Variants in C12orf56 observed in about 807,000 individuals in gnomAD.
The protein encoded by C12orf56 is chromosome 12 open reading frame 56.
C12orf56 carries 71 observed loss-of-function variants against 69.9 expected under a neutral mutation model. The observed-to-expected ratio is 1.02, with a 90% CI of 0.84 to 1.24. C12orf56 has a LOEUF of 1.24. Ranked by LOEUF, C12orf56 falls within the 50% of genes most tolerant of loss-of-function variation. The pLI, the probability that C12orf56 is intolerant of heterozygous loss-of-function variation, is 0.00. For missense variants in C12orf56, 732 were observed against 738.5 expected (o/e 0.99, Z 0.10); for synonymous variants, 276 against 274.1 (o/e 1.01, Z -0.07).
chr12:64,341,644 A>G (rs558222751), intron 2 of C12orf56, among the ~76,000 whole-genome samples: 2 of 152,292 alleles, frequency 1.3e-5, no homozygotes, highest in African/African-American at 4.8e-5. Flanking sequence ...CACAGATGGT[A>G]GTCTTGGCAG....
At chr12:64,325,372 A>AGAAG (rs1555189853) in intron 3 of C12orf56, among the ~76,000 whole-genome samples, 35 of 141,444 alleles carry the variant, frequency 2.5e-4, no homozygotes, top group African/African-American at 6.4e-4. Flanking sequence ...AAAAAAAAAA[A>AGAAG]AAGAAGAAGA....
intron 1 of C12orf56, among the ~76,000 whole-genome samples, chr12:64,361,811 C>A (rs190302582): frequency 6.6e-6 from 1 of 152,160 alleles, no homozygotes; most frequent in African/African-American, 2.4e-5. Flanking sequence ...CGGCTCACCG[C>A]AACCTCCTCC....
At chr12:64,338,616 T>C in intron 2 of C12orf56, 11 of 1,589,958 alleles carry the variant, frequency 6.9e-6, no homozygotes. Context: ...TGTTTCTCTT[T>C]CTTCTCATAA....
intron 1 of C12orf56, among the ~76,000 whole-genome samples, chr12:64,361,672 A>C (rs1213403447): frequency 6.6e-6 from 1 of 151,648 alleles, no homozygotes; most frequent in Non-Finnish European, 1.5e-5. Context: ...ATAACCATAA[A>C]AATGGGCAAT....
chr12:64,323,565 C>CTTTTTTTT lies in C12orf56; in HGVS notation c.489-4593_489-4586dup, dbSNP rs375927934. Among the ~76,000 whole-genome samples, 232 of 130,810 alleles carry CTTTTTTTT rather than the reference C, an allele frequency of 1.8e-3. 18 individuals carry two copies. Among genetic ancestry groups the CTTTTTTTT allele is most frequent in the African/African-American group, 4.7e-3 (162 of 34,702 alleles). The allele number at this position is 130,810 out of a possible 152,430, so 85.8% of individuals were successfully genotyped here. ...CTAAAACAACTACTGCAAACATTTC[C>CTTTTTTTT]TTTTTTTTTTTTTGCCAAGACAGGG... is the stretch of plus-strand genomic sequence containing the variant. On this transcript the variant is annotated intron_variant, in intron 3 of 12. Coordinates refer to ENST00000543942, the MANE Select transcript of C12orf56 (RefSeq NM_001170633.2).
intron 10 of C12orf56, 99 bp downstream of exon 10, chr12:64,275,199 A>G: frequency 1.4e-6 from 1 of 732,112 alleles, no homozygotes; most frequent in Non-Finnish European, 2.2e-6. Flanking sequence ...TATTAATCAT[A>G]TAACATAATC....
chr12:64,294,904 A>AAT (rs2038345069), intron 6 of C12orf56, among the ~76,000 whole-genome samples: 2 of 150,376 alleles, frequency 1.3e-5, no homozygotes, highest in Admixed American at 6.6e-5. Context: ...AGAAAAAAAA[A>AAT]TTTTTTTTTT....
rs745922973 is a variant in C12orf56, at chr12:64,270,591, G to T, written c.1708C>A (p.Arg570=). The T allele has an allele frequency of 4.3e-6, 7 of 1,612,828 alleles. No individual in the cohort carries two copies. Among genetic ancestry groups the T allele is most frequent in the Non-Finnish European group, 5.1e-6 (6 of 1,179,458 alleles). ...TACTCAGCTAGAGTCCTGCTGTGCCGCAGACAGCTCTTGAGGATGTAAAAT... is the reference window on the plus strand; with the variant it reads ...TACTCAGCTAGAGTCCTGCTGTGCCTCAGACAGCTCTTGAGGATGTAAAAT... ...QQFYILKSCL[R]HSRTLAEYIR... Residue 570 remains arginine (R), a synonymous_variant, in exon 12 of 13, where the codon CGG becomes AGG. Transcript: ENST00000543942.
intron 8 of C12orf56, among the ~76,000 whole-genome samples, chr12:64,284,420 A>G (rs2038172908): frequency 6.6e-6 from 1 of 152,250 alleles, no homozygotes; most frequent in African/African-American, 2.4e-5. Context: ...TCACCAGACT[A>G]GGACAAAAAA....
intron 2 of C12orf56, chr12:64,338,913 C>T (rs2039034218): frequency 1.8e-6 from 1 of 541,222 alleles, no homozygotes; most frequent in African/African-American, 1.9e-5. Flanking sequence ...TTTTTGAGAA[C>T]ATTTTTATCA....
chr12:64,380,672 A>G (rs2039708121), intron 1 of C12orf56, among the ~76,000 whole-genome samples: 2 of 152,300 alleles, frequency 1.3e-5, no homozygotes, highest in South Asian at 4.1e-4. Context: ...ATCCTCGTGG[A>G]AGTGATGCTG....
At chr12:64,350,564 A>G (rs186088000) in intron 2 of C12orf56, among the ~76,000 whole-genome samples, 12 of 152,320 alleles carry the variant, frequency 7.9e-5, no homozygotes, top group Admixed American at 2.6e-4. Context: ...GGCCTGATAC[A>G]TTGTCTATAC....
chr12:64,326,895 C>T lies in C12orf56; in HGVS notation c.488+4065G>A, dbSNP rs146376855. Among the ~76,000 whole-genome samples the T allele has an allele frequency of 2.6e-4, 40 of 152,288 alleles. No homozygotes were observed. In the East Asian group the frequency reaches 7.7e-3, roughly 29 times the overall value. ...CATTGAAATTTAATCCCCAGTATGG[C>T]AGTATTGAGTGGTGAGACCTTTAAG... On this transcript the variant is annotated intron_variant, in intron 3 of 12. Transcript: ENST00000543942.
chr12:64,338,626 A>G, intron 2 of C12orf56: 1 of 1,591,514 alleles, frequency 6.3e-7, no homozygotes, highest in Non-Finnish European at 8.6e-7. Flanking sequence ...TCTTCTCATA[A>G]TATTCCATAA....
chr12:64,314,875 T>G (rs1259706987), intron 4 of C12orf56, among the ~76,000 whole-genome samples: 9 of 145,902 alleles, frequency 6.2e-5, no homozygotes, highest in Admixed American at 5.5e-4. Context: ...GACCTCCTGA[T>G]CCGCCCGCCT....
intron 1 of C12orf56, among the ~76,000 whole-genome samples, chr12:64,371,641 G>A (rs2039571626): frequency 6.6e-6 from 1 of 151,770 alleles, no homozygotes; most frequent in Non-Finnish European, 1.5e-5. Flanking sequence ...GACCAGCCCG[G>A]CTAACATGGT....
At position 64,318,696 on chromosome 12, in the gene C12orf56, T is replaced by C; in HGVS notation, c.773A>G (p.Asp258Gly). ...ATTTGAGTTGCTCTGTGAAGGGGAATCTAAGAGGGAATTTCCTAAGTAAAA... is the reference window on the plus strand; with the variant it reads ...ATTTGAGTTGCTCTGTGAAGGGGAACCTAAGAGGGAATTTCCTAAGTAAAA... ...NEFYLGNSLL[D>G]SPSQSNSNLE... The change falls in exon 4 of 13, where the codon GAT (aspartate) becomes GGT (glycine). Residue 258 changes from aspartate (D) to glycine (G), a missense_variant. Transcript: ENST00000543942. The C allele has an allele frequency of 6.5e-7, 1 of 1,537,202 alleles. No homozygotes were observed.
chr12:64,284,145 G>A (rs1016191583), intron 8 of C12orf56, among the ~76,000 whole-genome samples: 2 of 152,194 alleles, frequency 1.3e-5, no homozygotes, highest in East Asian at 1.9e-4. Flanking sequence ...TGATCCACCC[G>A]CCTTGGTTTC....
chr12:64,345,836 G>C (rs2039133830), intron 2 of C12orf56, among the ~76,000 whole-genome samples: 1 of 152,150 alleles, frequency 6.6e-6, no homozygotes, highest in Admixed American at 6.5e-5. Context: ...AGTATGCATA[G>C]AGTCACTAAA....
Sources: allele counts gnomAD v4.1 joint callset (sites outside exome capture counted in the v4.1 genomes callset), GRCh38; gene constraint gnomAD v4.1.1; transcripts MANE v1.5; gene names NCBI Gene and HGNC (gene_info 2026-07-23, HGNC 2026-07-21).